The following RRN3 variants were observed in gnomAD, a reference collection of about 807,000 sequenced individuals.
The protein encoded by RRN3 is RNA polymerase I-specific transcription initiation factor RRN3.
Under a neutral mutation model 82.3 loss-of-function variants are expected in RRN3, and 38 were observed. The observed-to-expected ratio is 0.46, with a 90% confidence interval of 0.36 to 0.61. RRN3 has a LOEUF of 0.61. Among genes scored for constraint, RRN3 ranks in the 20% least tolerant of loss-of-function variants. The pLI is 0.00. For missense variants in RRN3, 726 were observed against 793.1 expected (o/e 0.92, Z 1.02); for synonymous variants, 284 against 284.3 (o/e 1.00, Z 0.01).
At position 15,073,042 on chromosome 16, in the gene RRN3, C is replaced by T. The variant is rs756896836; in HGVS notation, c.1036G>A (p.Asp346Asn). Reference protein sequence around the residue: ...DNGKTKDLYRDLINIFDKLLL... With the variant: ...DNGKTKDLYRNLINIFDKLLL... ...AGTTTGTCAAAGATGTTTATCAGGT[C>T]GCGATATAGATCCTTTGTTTTGCCG... Residue 346 changes from aspartate to asparagine, a missense_variant, in exon 12 of 18, where the codon GAC becomes AAC. Asp to Asn is a conservative substitution (Grantham distance 23). Transcript: ENST00000198767. The T allele has an allele frequency of 1.1e-5, 18 of 1,612,764 alleles. No individual in the cohort carries two copies. The highest frequency in any genetic ancestry group is 4.5e-5 in the East Asian group (2 of 44,884).
At position 15,094,213 on chromosome 16, in the gene RRN3, G is replaced by C. The variant is rs764410523; in HGVS notation, c.21C>G (p.His7Gln). The stretch of plus-strand genomic sequence containing the variant: ...CGGCCGCATCTCCCGGCAAACGCGT[G>C]TGAAGCAGCGGTGCCGCCATTGGGC... MAAPLL[H>Q]TRLPGDAAAS... The change falls in exon 1 of 18, where the codon CAC (histidine) becomes CAG (glutamine). Residue 7 changes from histidine (H) to glutamine (Q), a missense_variant. Transcript: ENST00000198767. 3 of 1,595,670 alleles carry C rather than the reference G, an allele frequency of 1.9e-6. No homozygotes were observed. Among genetic ancestry groups the C allele is most frequent in the South Asian group, 2.3e-5 (2 of 88,050 alleles).
rs775703861 is a variant in RRN3 at position 15,063,223 on chromosome 16, T to A, written c.1767A>T (p.Leu589=). The part of the protein sequence containing the change: ...QVWEDMSAEE[L]QEFKKPMKKD... Reference sequence around the variant, plus strand: ...TTTTCATGGGTTTCTTGAACTCCTGTAGCTCTTCAGCACTCATGTCTTCCC... The same window carrying A: ...TTTTCATGGGTTTCTTGAACTCCTGAAGCTCTTCAGCACTCATGTCTTCCC... The change falls in exon 17 of 18, where the codon CTA becomes CTT. Residue 589 remains leucine (L), a synonymous_variant. Transcript: ENST00000198767. 6.2e-7 allele frequency: 1 copy of A among 1,612,992 alleles called. No individual in the cohort carries two copies. Among genetic ancestry groups the A allele is most frequent in the Non-Finnish European group, 8.5e-7 (1 of 1,178,956 alleles).
chr16:15,083,494 C>T lies in RRN3; in HGVS notation c.666+19G>A, dbSNP rs772375912. ...ACAAACAACTTTTCCATGATGTTCT[C>T]AATGAAAAGATTTCTTACCAGTGTT... On this transcript the variant is annotated intron_variant, in intron 8 of 17. Transcript: ENST00000198767. 2.5e-6 allele frequency: 4 copies of T among 1,608,260 alleles called. No homozygotes were observed. In the African/African-American group the frequency reaches 5.4e-5, roughly 22 times the overall value.
chr16:15,074,794 GGAT>G lies in RRN3; in HGVS notation c.923_925del (p.His308del), dbSNP rs1179028968. The G allele has an allele frequency of 6.2e-6, 10 of 1,613,946 alleles. No individual in the cohort carries two copies. The highest frequency in any genetic ancestry group is 8.5e-6 in the Non-Finnish European group (10 of 1,180,014). ...CAGGATGTCCAGGCGCTCGGCTACA[GGAT>G]GCACCATCTGGTCGAGCCGTTCAGG... On this transcript the variant is annotated inframe_deletion, in exon 11 of 18. Transcript: ENST00000198767.
chr16:15,062,946 T>C (rs1046935027), intron 17 of RRN3, among the ~76,000 whole-genome samples: 2 of 152,200 alleles, frequency 1.3e-5, no homozygotes, highest in African/African-American at 4.8e-5. Context: ...CACTGCAGCC[T>C]TGACCTCCCA....
rs1391256883 is a variant in RRN3 at position 15,092,688 on chromosome 16, C to G, written c.90-74G>C. On this transcript the variant is annotated intron_variant, in intron 1 of 17. Coordinates refer to ENST00000198767, the MANE Select transcript of RRN3 (RefSeq NM_018427.5). ...ATTATAATAGCCAACATTTATTGAA[C>G]CAACATAATTCAGTGGAACTATTGT... is the stretch of plus-strand genomic sequence containing the variant. 3.0e-6 allele frequency: 3 copies of G among 1,010,738 alleles called. No individual in the cohort carries two copies. The Admixed American group carries it at 5.5e-5, about 18-fold the overall frequency. The allele number at this position is 1,010,738 out of a possible 1,614,324, so 62.6% of individuals were successfully genotyped here. A position where few individuals can be genotyped will look rare whatever the true frequency, so the allele number is the denominator to read the frequency against.
rs757080127 is a variant in RRN3 at position 15,065,261 on chromosome 16, G to A, written c.1664C>T (p.Pro555Leu). The change falls in exon 16 of 18, where the codon CCG becomes CTG. Residue 555 changes from proline (P) to leucine (L), a missense_variant. By Grantham distance (98) the Pro-to-Leu change is moderately conservative (BLOSUM62 -3). Transcript: ENST00000198767. ...ATCAAAGGGGAAGAAGGTGTCCAGC[G>A]GGTTTGTGCAGATCTGCACTGAGTC... Reference protein sequence around the residue: ...GGDSVQICTNPLDTFFPFDPC... With the variant: ...GGDSVQICTNLLDTFFPFDPC... 9 of 1,613,736 alleles carry A rather than the reference G, an allele frequency of 5.6e-6. No homozygotes were observed. The highest frequency in any genetic ancestry group is 4.0e-5 in the African/African-American group (3 of 74,898).
At chr16:15,084,425 G>C (rs1188209567) in intron 7 of RRN3, among the ~76,000 whole-genome samples, 1 of 152,016 alleles carries the variant, frequency 6.6e-6, no homozygotes. Context: ...CAAAATTGGG[G>C]GAGGATCTGC....
At chr16:15,067,896 T>C (rs1476860813) in intron 15 of RRN3, among the ~76,000 whole-genome samples, 1 of 151,988 alleles carries the variant, frequency 6.6e-6, no homozygotes, top group African/African-American at 2.4e-5. Context: ...TAGTTGGGAC[T>C]ACAGGCACAG....
chr16:15,072,943 T>C lies in RRN3; in HGVS notation c.1128+7A>G. On this transcript the variant is annotated splice_region_variant and intron_variant, in intron 12 of 17. Transcript: ENST00000198767. ...GCTAAGATAATGTTAATCACATTCT[T>C]ACTCACCAATTTGAAACTACAGAGG... is the stretch of plus-strand genomic sequence containing the variant. The C allele has an allele frequency of 6.2e-7, 1 of 1,613,272 alleles. No individual in the cohort carries two copies. Among genetic ancestry groups the C allele is most frequent in the Non-Finnish European group, 8.5e-7 (1 of 1,179,826 alleles).
At chr16:15,093,351 C>A (rs866589413) in intron 1 of RRN3, among the ~76,000 whole-genome samples, 1 of 152,162 alleles carries the variant, frequency 6.6e-6, no homozygotes. Context: ...CAGATGTCTT[C>A]CCAATGAGAA....
rs758717864 is a variant in RRN3 at position 15,061,812 on chromosome 16, G to A, written c.1888C>T (p.His630Tyr). Reference sequence around the variant, plus strand: ...ACACTACTTGAAGGACTTCGGAAATGCGTGTCAAAGGAGCTTGGTGTGATC... The same window carrying A: ...ACACTACTTGAAGGACTTCGGAAATACGTGTCAAAGGAGCTTGGTGTGATC... ...IGITPSSFDT[H>Y]FRSPSSSVGS... The change falls in exon 18 of 18, where the codon CAT becomes TAT. Residue 630 changes from histidine to tyrosine, a missense_variant. This residue lies in a region of RRN3 where 166 missense variants were observed against 154.8 expected (regional missense o/e 1.07). Coordinates refer to ENST00000198767, the MANE Select transcript of RRN3 (RefSeq NM_018427.5). 3 of 1,614,208 alleles carry A rather than the reference G, an allele frequency of 1.9e-6. No homozygotes were observed. In the Admixed American group the frequency reaches 5.0e-5, roughly 27 times the overall value.
At chr16:15,088,783 A>G (rs557600910) in intron 3 of RRN3, among the ~76,000 whole-genome samples, 1 of 152,268 alleles carries the variant, frequency 6.6e-6, no homozygotes, top group East Asian at 1.9e-4. Flanking sequence ...CAGATAATAA[A>G]TCTGGGGAAC....
chr16:15,094,316 G>A (rs1422470572), upstream of RRN3: 6 of 1,262,436 alleles, frequency 4.8e-6, no homozygotes, highest in Admixed American at 6.7e-5. Context: ...GAAGTTGCGC[G>A]TGCCAGCGCA....
intron 9 of RRN3, among the ~76,000 whole-genome samples, chr16:15,077,269 G>A (rs1334228385): frequency 1.8e-4 from 27 of 152,192 alleles, no homozygotes; most frequent in South Asian, 4.1e-4. Context: ...ATGAGCCACC[G>A]CGCCTGGCCC....
chr16:15,074,612 T>C (rs1181337904), intron 11 of RRN3, 111 bp downstream of exon 11: 4 of 745,150 alleles, frequency 5.4e-6, no homozygotes, highest in African/African-American at 1.8e-5. Flanking sequence ...TCATACTCAA[T>C]AGATATTTTT....
intron 3 of RRN3, among the ~76,000 whole-genome samples, chr16:15,087,768 C>A (rs1293347655): frequency 6.6e-6 from 1 of 152,214 alleles, no homozygotes; most frequent in Non-Finnish European, 1.5e-5. Context: ...CTCTTTTCCA[C>A]TAAAAAGACT....
chr16:15,087,127 T>C (rs1807080906), intron 3 of RRN3, among the ~76,000 whole-genome samples: 2 of 152,134 alleles, frequency 1.3e-5, no homozygotes, highest in Admixed American at 6.6e-5. Flanking sequence ...TATTCATGCA[T>C]ATATACTGCA....
chr16:15,062,258 T>C (rs942638316), intron 17 of RRN3, among the ~76,000 whole-genome samples: 5 of 152,212 alleles, frequency 3.3e-5, no homozygotes, highest in Admixed American at 3.3e-4. Flanking sequence ...AAGTCTGACT[T>C]GCAAACAGAT....
Sources: allele counts gnomAD v4.1 joint callset (sites outside exome capture counted in the v4.1 genomes callset), GRCh38; gene constraint gnomAD v4.1.1; regional missense constraint gnomAD v4.1.1; transcripts MANE v1.5; gene names NCBI Gene and HGNC (gene_info 2026-07-23, HGNC 2026-07-21).